CHRM3: variants seen among roughly 807,000 people sequenced by gnomAD.
CHRM3 encodes the protein muscarinic acetylcholine receptor M3.
A neutral mutation model predicts 41.8 loss-of-function variants in CHRM3; 11 were observed. That is an observed-to-expected ratio of 0.26 (90% confidence interval 0.17 to 0.44). The LOEUF is 0.44. CHRM3 is among the 20% of genes least tolerant of loss of function. CHRM3 has a pLI of 1.00. For missense variants in CHRM3, 571 were observed against 745.4 expected (o/e 0.77, Z 2.72); for synonymous variants, 297 against 301.4 (o/e 0.99, Z 0.15).
At chr1:239,399,478 C>A (rs1465997895) in intron 1 of CHRM3, among the ~76,000 whole-genome samples, 2 of 151,932 alleles carry the variant, frequency 1.3e-5, no homozygotes, top group East Asian at 1.9e-4. Context: ...AACTTTGTAC[C>A]TTTTGATCAA....
At chr1:239,570,755 T>C (rs1471884960) in intron 3 of CHRM3, among the ~76,000 whole-genome samples, 3 of 152,124 alleles carry the variant, frequency 2.0e-5, no homozygotes. Flanking sequence ...GGGAGTTTAA[T>C]GTTAAACTCC....
At chr1:239,778,774 A>G (rs1173161676) in intron 5 of CHRM3, among the ~76,000 whole-genome samples, 1 of 152,170 alleles carries the variant, frequency 6.6e-6, no homozygotes, top group Non-Finnish European at 1.5e-5. Context: ...CAATCCTGTA[A>G]TTCCTCTCTT....
At chr1:239,844,354 T>C (rs1674089832) in intron 6 of CHRM3, among the ~76,000 whole-genome samples, 1 of 152,218 alleles carries the variant, frequency 6.6e-6, no homozygotes, top group South Asian at 2.1e-4. Flanking sequence ...TATGAGTCAT[T>C]AATGCAATGC....
intron 1 of CHRM3, among the ~76,000 whole-genome samples, chr1:239,491,892 G>C (rs183601627): frequency 1.3e-5 from 2 of 152,274 alleles, no homozygotes; most frequent in African/African-American, 4.8e-5. Context: ...GTGCAGGGGA[G>C]CTCAGAGTAG....
At chr1:239,813,872 C>A (rs544665311) in intron 5 of CHRM3, among the ~76,000 whole-genome samples, 5 of 137,322 alleles carry the variant, frequency 3.6e-5, no homozygotes, top group African/African-American at 9.0e-5. Flanking sequence ...AGCCGAGATC[C>A]CGCCACTGCA....
chr1:239,521,380 C>T (rs1432866474), intron 2 of CHRM3, among the ~76,000 whole-genome samples: 3 of 152,114 alleles, frequency 2.0e-5, no homozygotes, highest in African/African-American at 4.8e-5. Flanking sequence ...TTTGAGGATA[C>T]GAGAGGACAA....
intron 5 of CHRM3, among the ~76,000 whole-genome samples, chr1:239,686,545 C>G (rs1025988975): frequency 6.6e-6 from 1 of 152,048 alleles, no homozygotes; most frequent in Non-Finnish European, 1.5e-5. Flanking sequence ...CCCCAGAGCC[C>G]TTCCTTCATA....
intron 1 of CHRM3, among the ~76,000 whole-genome samples, chr1:239,487,368 T>G (rs1204033759): frequency 6.6e-6 from 1 of 152,124 alleles, no homozygotes; most frequent in Non-Finnish European, 1.5e-5. Flanking sequence ...CGAGTAGAAT[T>G]TAGTGCATGG....
rs548706128 is a variant in CHRM3, at chr1:239,448,990, A to G, written c.-520-43719A>G. Reference sequence around the variant, plus strand: ...AGTTGTGGAATATCAGATTTTTTTCAACTACAGAATGAATACCTAGCCTCT... The same window carrying G: ...AGTTGTGGAATATCAGATTTTTTTCGACTACAGAATGAATACCTAGCCTCT... On this transcript the variant is annotated intron_variant, in intron 1 of 6. Transcript: ENST00000676153. Among the ~76,000 whole-genome samples the G allele has an allele frequency of 4.6e-5, 7 of 152,288 alleles. No individual in the cohort carries two copies. In the East Asian group the frequency reaches 1.4e-3, roughly 29 times the overall value.
chr1:239,738,411 C>CG (rs1664567475), intron 5 of CHRM3, among the ~76,000 whole-genome samples: 2 of 152,080 alleles, frequency 1.3e-5, no homozygotes, highest in Non-Finnish European at 2.9e-5. Flanking sequence ...GCTTAACAGT[C>CG]GGGTCATCAG....
chr1:239,819,366 C>T (rs1177723260), intron 5 of CHRM3, among the ~76,000 whole-genome samples: 2 of 152,168 alleles, frequency 1.3e-5, no homozygotes, highest in Non-Finnish European at 2.9e-5. Context: ...TCTGAGGTTT[C>T]CACTGTTTCT....
At chr1:239,396,687 A>G (rs1659510061) in intron 1 of CHRM3, among the ~76,000 whole-genome samples, 1 of 152,202 alleles carries the variant, frequency 6.6e-6, no homozygotes, top group Non-Finnish European at 1.5e-5. Context: ...AAATTCAAAC[A>G]TTATGGAAAT....
At chr1:239,704,959 G>C (rs903959167) in intron 5 of CHRM3, 1 of 152,272 alleles carries the variant, frequency 6.6e-6, no homozygotes, top group Non-Finnish European at 1.5e-5. Flanking sequence ...CCAGCACTTT[G>C]GGAGGCCAAG....
chr1:239,787,969 G>A (rs986358507), intron 5 of CHRM3, among the ~76,000 whole-genome samples: 7 of 152,198 alleles, frequency 4.6e-5, no homozygotes, highest in African/African-American at 1.7e-4. Context: ...CAAGTGCAGT[G>A]GCTCACACCT....
intron 1 of CHRM3, among the ~76,000 whole-genome samples, chr1:239,478,898 G>A (rs2147986766): frequency 6.6e-6 from 1 of 152,084 alleles, no homozygotes; most frequent in Middle Eastern, 3.4e-3. Flanking sequence ...AAAAGAGACA[G>A]CAGGCCAGGC....
At chr1:239,764,776 C>T (rs771842332) in intron 5 of CHRM3, among the ~76,000 whole-genome samples, 4 of 152,370 alleles carry the variant, frequency 2.6e-5, no homozygotes, top group Non-Finnish European at 4.4e-5. Flanking sequence ...AGCCACGTCT[C>T]ATGAGATTTA....
intron 4 of CHRM3, among the ~76,000 whole-genome samples, chr1:239,661,687 C>T (rs893212100): frequency 7.9e-5 from 12 of 152,012 alleles, no homozygotes; most frequent in Admixed American, 1.3e-4. Flanking sequence ...TTGGAGCATG[C>T]GGTATTTTTA....
intron 5 of CHRM3, among the ~76,000 whole-genome samples, chr1:239,792,315 G>A (rs532102704): frequency 1.3e-5 from 2 of 152,308 alleles, no homozygotes; most frequent in South Asian, 2.1e-4. Flanking sequence ...AGATCTCACA[G>A]ATCTCTGAAA....
chr1:239,719,554 T>C (rs1191228998), intron 5 of CHRM3: 5 of 151,866 alleles, frequency 3.3e-5, no homozygotes, highest in Non-Finnish European at 5.9e-5. Flanking sequence ...TTTAGTACGG[T>C]ATTGTTGCAG....
Sources: gnomAD v4.1 joint callset for allele counts (sites outside exome capture counted in the v4.1 genomes callset) on GRCh38, gnomAD v4.1.1 for gene constraint, MANE v1.5 for transcripts, NCBI Gene and HGNC (gene_info 2026-07-23, HGNC 2026-07-21) for gene names.